The following PRKD2 variants were observed in gnomAD, a reference collection of about 807,000 sequenced individuals.
PRKD2 encodes the protein serine/threonine-protein kinase D2.
A neutral mutation model predicts 86.0 loss-of-function variants in PRKD2; 22 were observed. The observed-to-expected ratio is 0.26, with a 90% CI of 0.18 to 0.37. The LOEUF is 0.37. Among genes scored for constraint, PRKD2 ranks in the 10% least tolerant of loss-of-function variants. The pLI is 1.00. For synonymous variants in PRKD2, 509 were observed against 510.9 expected (o/e 1.00, Z 0.05); for missense variants, 818 against 1,199.2 (o/e 0.68, Z 4.70).
chr19:46,701,384 G>A (rs2053632532), intron 5 of PRKD2, among the ~76,000 whole-genome samples: 1 of 151,826 alleles, frequency 6.6e-6, no homozygotes, highest in African/African-American at 2.4e-5. Flanking sequence ...ATTTTGGGAG[G>A]CCGGGGAGAG....
chr19:46,703,958 A>AACAACACACACACACACACACAC (rs1555830816), intron 5 of PRKD2, among the ~76,000 whole-genome samples: 13 of 133,658 alleles, frequency 9.7e-5, no homozygotes, highest in African/African-American at 2.9e-4. Flanking sequence ...AAACAACAAC[A>AACAACACACACACACACACACAC]ACACACACAC....
Position 46,693,842 on chromosome 19 carries a change from A to T in PRKD2, c.1576+33T>A, listed in dbSNP as rs193174088. 864 of 1,561,728 alleles carry T rather than the reference A, an allele frequency of 5.5e-4. 4 individuals are homozygous for T. Among genetic ancestry groups the T allele is most frequent in the Middle Eastern group, 4.4e-3 (23 of 5,250 alleles). ...AACCGTGCCCCACCCATCTAGATCT[A>T]TTCTCTCAAGGACCCGAGGTGGGAG... On this transcript the variant is annotated intron_variant, in intron 10 of 17. Coordinates refer to ENST00000291281, the MANE Select transcript of PRKD2 (RefSeq NM_016457.5). This position sits in a 1 kb window ranked among gnomAD's most constrained non-coding sequence, Gnocchi z 4.5.
At chr19:46,694,239 G>GT in intron 9 of PRKD2, 106 bp from the exon 10 acceptor site, 5 of 1,425,922 alleles carry the variant, frequency 3.5e-6, no homozygotes, top group Non-Finnish European at 4.8e-6. Context: ...GATGGGCCTG[G>GT]TTTGCACAGT....
rs56034494 is a variant in PRKD2 at position 46,716,193 on chromosome 19, A to G, written c.178T>C (p.Leu60=). 0.023 allele frequency: 37,818 copies of G among 1,611,244 alleles called. 514 individuals carry two copies. The highest frequency in any genetic ancestry group is 0.028 in the Non-Finnish European group (33,086 of 1,179,260). ...QIGLTREFVL[L]PAASELAHVK... ...TGAGCCAGCTCGGAGGCGGCGGGCA[A>G]CAGCACGAACTCGCGGGTCAGCCCG... Residue 60 remains leucine, a synonymous_variant, in exon 1 of 18, where the codon TTG becomes CTG. Coordinates refer to ENST00000291281, the MANE Select transcript of PRKD2 (RefSeq NM_016457.5). This position sits in a 1 kb window ranked among gnomAD's most constrained non-coding sequence, Gnocchi z 7.9.
At position 46,693,172 on chromosome 19, in the gene PRKD2, C is replaced by T. The variant is rs142678118; in HGVS notation, c.1576+703G>A. On this transcript the variant is annotated intron_variant, in intron 10 of 17. Coordinates refer to ENST00000291281, the MANE Select transcript of PRKD2 (RefSeq NM_016457.5). The surrounding 1 kb of genome is among the most constrained non-coding windows in gnomAD (Gnocchi z 4.5). Reference sequence around the variant, plus strand: ...GGTACCCCTCTGGGCTCCTCTAGCTCCCTAGCTTCCTTGTCCCAACCCTGC... The same window carrying T: ...GGTACCCCTCTGGGCTCCTCTAGCTTCCTAGCTTCCTTGTCCCAACCCTGC... 5.9e-3 allele frequency among the ~76,000 whole-genome samples: 895 copies of T among 152,298 alleles called. 6 individuals are homozygous for T. The highest frequency in any genetic ancestry group is 9.7e-3 in the Non-Finnish European group (659 of 68,026).
chr19:46,707,823 G>T (rs899908121), intron 3 of PRKD2, among the ~76,000 whole-genome samples: 1 of 152,086 alleles, frequency 6.6e-6, no homozygotes, highest in Non-Finnish European at 1.5e-5. Flanking sequence ...TTGGACAGGC[G>T]CGGTGGCTCA....
At position 46,686,477 on chromosome 19, in the gene PRKD2, AC is replaced by A. The variant is rs1255612112; in HGVS notation, c.1971+3059del. ...ATGGCGAGACCTTGTCTCTACAAAA[AC>A]ATTAAAAAAAAAAAAAAAAAAAATT... On this transcript the variant is annotated intron_variant, in intron 14 of 17. Coordinates refer to ENST00000291281, the MANE Select transcript of PRKD2 (RefSeq NM_016457.5). 1.3e-4 allele frequency among the ~76,000 whole-genome samples: 12 copies of A among 95,672 alleles called. No homozygotes were observed. The Admixed American group carries it at 1.4e-3, about 11-fold the overall frequency. 62.8% of individuals were successfully genotyped at this position (95,672 alleles called of 152,430 possible).
intron 16 of PRKD2, among the ~76,000 whole-genome samples, chr19:46,677,898 A>G (rs2053234207): frequency 6.6e-6 from 1 of 152,006 alleles, no homozygotes; most frequent in Admixed American, 6.6e-5. Context: ...ATCTTCACCC[A>G]AGTCACGGCC....
chr19:46,703,499 C>T (rs986007166), intron 5 of PRKD2, among the ~76,000 whole-genome samples: 1 of 151,842 alleles, frequency 6.6e-6, no homozygotes. Context: ...TGGCCAGGCG[C>T]GGTGGCTCAC....
rs770736873 is a variant in PRKD2, at chr19:46,674,661, G to A, written c.2499C>T (p.Asp833=). 7 of 1,606,414 alleles carry A rather than the reference G, an allele frequency of 4.4e-6. No homozygotes were observed. The highest frequency in any genetic ancestry group is 1.7e-5 in the Admixed American group (1 of 59,938). Residue 833 remains aspartate (D), a synonymous_variant, in exon 18 of 18, where the codon GAC becomes GAT. Transcript: ENST00000291281. ...MGERYITHES[D]DARWEQFAAE... ...CTGCAAACTGCTCCCAGCGCGCGTC[G>A]TCACTCTCATGCGTGATGTATCGCT...
chr19:46,699,938 A>G (rs1046295872), intron 7 of PRKD2, among the ~76,000 whole-genome samples: 15 of 151,028 alleles, frequency 9.9e-5, no homozygotes, highest in African/African-American at 2.4e-4. Context: ...AAAAAAAAAA[A>G]AAGAAGAGGA....
intron 14 of PRKD2, among the ~76,000 whole-genome samples, chr19:46,682,389 A>C (rs2053320889): frequency 6.6e-6 from 1 of 151,668 alleles, no homozygotes; most frequent in Non-Finnish European, 1.5e-5. Context: ...TCCTGGACTC[A>C]AGTGATCCAC....
chr19:46,705,110 G>A (rs562772637), intron 3 of PRKD2, among the ~76,000 whole-genome samples: 143 of 148,506 alleles, frequency 9.6e-4, no homozygotes, highest in Admixed American at 4.1e-3. Context: ...TTGTAGCCCC[G>A]ACATCACCCC....
In PRKD2 at chr19:46,701,028, C is replaced by T; in HGVS notation, c.967+7G>A. 6.2e-7 allele frequency: 1 copy of T among 1,614,240 alleles called. No individual in the cohort carries two copies. The highest frequency in any genetic ancestry group is 8.5e-7 in the Non-Finnish European group (1 of 1,180,038). On this transcript the variant is annotated splice_region_variant and intron_variant, in intron 6 of 17. Coordinates refer to ENST00000291281, the MANE Select transcript of PRKD2 (RefSeq NM_016457.5). ...CCTTTCTCCCCAGCATCCCCCCAGCCTCTCACCTCCATTGATAAGGGCCTC... is the reference window on the plus strand; with the variant it reads ...CCTTTCTCCCCAGCATCCCCCCAGCTTCTCACCTCCATTGATAAGGGCCTC...
intron 11 of PRKD2, 30 bp from the exon 12 acceptor site, chr19:46,691,837 G>A (rs2053488046): frequency 2.5e-6 from 4 of 1,613,656 alleles, no homozygotes; most frequent in Non-Finnish European, 3.4e-6. Flanking sequence ...CAGGTCAGGG[G>A]TGCAAATGGA....
At chr19:46,676,818 G>A (rs1320583919) in intron 16 of PRKD2, among the ~76,000 whole-genome samples, 2 of 152,186 alleles carry the variant, frequency 1.3e-5, no homozygotes, top group African/African-American at 4.8e-5. Flanking sequence ...CCAGCACTTT[G>A]GGAGGCTGAA....
At chr19:46,686,750 G>A (rs1599817830) in intron 14 of PRKD2, among the ~76,000 whole-genome samples, 1 of 151,850 alleles carries the variant, frequency 6.6e-6, no homozygotes, top group Non-Finnish European at 1.5e-5. Flanking sequence ...AGGAGATCGA[G>A]ACCATCCTGG....
At position 46,700,864 on chromosome 19, in the gene PRKD2, G is replaced by A. The variant is rs750159797; in HGVS notation, c.1056C>T (p.Gly352=). Residue 352 remains glycine (G), a synonymous_variant, in exon 7 of 18, where the codon GGC becomes GGT. Transcript: ENST00000291281. ...CGTGGAGCGCATTCTCTGAGTGGGAGCCAGGGATGACACCGGAGTCCTCTG... is the reference window on the plus strand; with the variant it reads ...CGTGGAGCGCATTCTCTGAGTGGGAACCAGGGATGACACCGGAGTCCTCTG... ...DESEDSGVIP[G]SHSENALHAS... 20 of 1,614,232 alleles carry A rather than the reference G, an allele frequency of 1.2e-5. No individual in the cohort carries two copies. The East Asian group carries it at 2.0e-4, about 16-fold the overall frequency.
chr19:46,691,339 T>G (rs1430146117), intron 12 of PRKD2, among the ~76,000 whole-genome samples: 5 of 152,012 alleles, frequency 3.3e-5, no homozygotes, highest in Non-Finnish European at 7.4e-5. Flanking sequence ...GAGTGCAGAA[T>G]CTACCCTCTT....
Sources: allele counts gnomAD v4.1 joint callset (sites outside exome capture counted in the v4.1 genomes callset), GRCh38; gene constraint gnomAD v4.1.1; non-coding constraint Gnocchi (gnomAD v3.1); transcripts MANE v1.5; gene names NCBI Gene and HGNC (gene_info 2026-07-23, HGNC 2026-07-21).